Variants in F11 observed in about 807,000 individuals in gnomAD.
F11 encodes the protein coagulation factor XI, also known as coagualtion factor XI.
F11 carries 78 observed loss-of-function variants against 76.5 expected under a neutral mutation model. The ratio of observed to expected loss-of-function variants is 1.02; its 90% CI spans 0.85 to 1.23. F11 has a LOEUF of 1.23. F11 is among the 50% of genes most tolerant of loss of function. The probability of loss-of-function intolerance (pLI) is 0.00; values close to 1 mark genes in which losing one functional copy is unlikely to be tolerated. For synonymous variants in F11, 278 were observed against 276.3 expected (o/e 1.01, Z -0.06); for missense variants, 742 against 771.4 (o/e 0.96, Z 0.45).
At chr4:186,278,212 C>T (rs150447050) in intron 7 of F11, among the ~76,000 whole-genome samples, 72 of 152,320 alleles carry the variant, frequency 4.7e-4, no homozygotes, top group African/African-American at 1.7e-3. Context: ...TCAGAGCCCT[C>T]AGCACTTGCC....
intron 2 of F11, among the ~76,000 whole-genome samples, chr4:186,270,199 A>T (rs1739830311): frequency 6.6e-6 from 1 of 152,246 alleles, no homozygotes; most frequent in Non-Finnish European, 1.5e-5. Flanking sequence ...AGAAGTCTCG[A>T]TACAACGTCA....
chr4:186,269,106 A>G (rs951992526), intron 2 of F11, among the ~76,000 whole-genome samples: 14 of 152,192 alleles, frequency 9.2e-5, no homozygotes, highest in Admixed American at 7.9e-4. Context: ...CCTAAACAAA[A>G]TATTATCCAA....
intron 3 of F11, among the ~76,000 whole-genome samples, chr4:186,272,167 A>T (rs541435042): frequency 6.6e-6 from 1 of 152,180 alleles, no homozygotes; most frequent in Admixed American, 6.5e-5. Context: ...TTTGAAAAAA[A>T]GTACAGTACA....
chr4:186,289,045 G>A lies in F11; in HGVS notation c.*431G>A, dbSNP rs1741414049. The A allele has an allele frequency of 4.8e-5, 8 of 166,338 alleles. No homozygotes were observed. The highest frequency in any genetic ancestry group is 7.8e-5 in the Non-Finnish European group (6 of 77,292). 10.3% of individuals were successfully genotyped at this position (166,338 alleles called of 1,614,324 possible). ...AAAGACAGTCTTCACCATTTTGCAGGAATCTACACTCTGCCTATGTGAACA... is the reference window on the plus strand; with the variant it reads ...AAAGACAGTCTTCACCATTTTGCAGAAATCTACACTCTGCCTATGTGAACA... On this transcript the variant is annotated 3_prime_UTR_variant, in exon 15 of 15. Transcript: ENST00000403665.
intron 2 of F11, among the ~76,000 whole-genome samples, chr4:186,270,571 A>T (rs1739866871): frequency 6.6e-6 from 1 of 152,066 alleles, no homozygotes; most frequent in Non-Finnish European, 1.5e-5. Context: ...CTAGTGGCAT[A>T]TTGAAAATCA....
chr4:186,272,302 A>C (rs1016941912), intron 3 of F11, among the ~76,000 whole-genome samples: 1 of 152,142 alleles, frequency 6.6e-6, no homozygotes, highest in Non-Finnish European at 1.5e-5. Context: ...ATGACACTTT[A>C]CCCCTAAATA....
chr4:186,274,504 A>T, intron 5 of F11: 1 of 572,624 alleles, frequency 1.7e-6, no homozygotes, highest in South Asian at 2.0e-5. Flanking sequence ...AAAAATATAT[A>T]TACTTGGCTA....
Position 186,284,236 on chromosome 4 carries a change from TAAC to T in F11, c.1282_1284del (p.Thr428del). On this transcript the variant is annotated inframe_deletion, in exon 11 of 15. Transcript: ENST00000403665. ...TCCATCATTGGAAACCAGTGGATAT[TAAC>T]AGCCGCTCACTGTTTCTATGGGTCA... 1 of 1,614,238 alleles carries T rather than the reference TAAC, an allele frequency of 6.2e-7. No homozygotes were observed. Among genetic ancestry groups the T allele is most frequent in the Non-Finnish European group, 8.5e-7 (1 of 1,180,030 alleles).
In F11 at chr4:186,275,450, G is replaced by C. The variant is rs997751257; in HGVS notation, c.486-337G>C. ...GCGGAGGTTGCAGTGAGCCAAGATC[G>C]TGCCATTGCACTCCAACCTGGGCAA... On this transcript the variant is annotated intron_variant, in intron 5 of 14. Coordinates refer to ENST00000403665, the MANE Select transcript of F11 (RefSeq NM_000128.4). Among the ~76,000 whole-genome samples, 3 of 152,082 alleles carry C rather than the reference G, an allele frequency of 2.0e-5. No homozygotes were observed. The South Asian group carries it at 6.2e-4, about 32-fold the overall frequency.
At position 186,282,262 on chromosome 4, in the gene F11, T is replaced by C. The variant is rs530526714; in HGVS notation, c.1135+1682T>C. 5.2e-5 allele frequency: 51 copies of C among 985,332 alleles called. 1 individual carries two copies. In the East Asian group the frequency reaches 1.9e-3, roughly 37 times the overall value. The allele number at this position is 985,332 out of a possible 1,614,324, so 61.0% of individuals were successfully genotyped here. A position where few individuals can be genotyped will look rare whatever the true frequency, so the allele number is the denominator to read the frequency against. ...TTTATAGACTCTGGCCTGTAGAAGTTACAGAATATGCCAGGTATAGATTGA... is the reference window on the plus strand; with the variant it reads ...TTTATAGACTCTGGCCTGTAGAAGTCACAGAATATGCCAGGTATAGATTGA... On this transcript the variant is annotated intron_variant, in intron 10 of 14. Coordinates refer to ENST00000403665, the MANE Select transcript of F11 (RefSeq NM_000128.4).
Position 186,285,742 on chromosome 4 carries a change from A to T in F11, c.1409A>T (p.Asp470Val). ...FFGVQEIIIH[D>V]QYKMAESGYD... ...GGGGTTCAAGAAATAATAATCCATGATCAGTATAAAATGGCAGAAAGCGGG... is the reference window on the plus strand; with the variant it reads ...GGGGTTCAAGAAATAATAATCCATGTTCAGTATAAAATGGCAGAAAGCGGG... Residue 470 changes from aspartate (D) to valine (V), a missense_variant, in exon 12 of 15, where the codon GAT (aspartate) becomes GTT (valine). Asp to Val is a radical substitution (Grantham distance 152). Transcript: ENST00000403665. 6.2e-7 allele frequency: 1 copy of T among 1,614,194 alleles called. No homozygotes were observed. Among genetic ancestry groups the T allele is most frequent in the Non-Finnish European group, 8.5e-7 (1 of 1,180,006 alleles).
In F11 at chr4:186,271,720, G is replaced by A. The variant is rs1268515791; in HGVS notation, c.167G>A (p.Cys56Tyr). 4 of 1,614,184 alleles carry A rather than the reference G, an allele frequency of 2.5e-6. No homozygotes were observed. Among genetic ancestry groups the A allele is most frequent in the East Asian group, 2.2e-5 (1 of 44,892 alleles). ...GTAGTCTGCACTTACCACCCAAGAT[G>A]TTTACTCTTCACTTTCACGGCGGAA... ...CQVVCTYHPRCLLFTFTAESP... is the reference protein window; with the variant it reads ...CQVVCTYHPRYLLFTFTAESP... The change falls in exon 3 of 15, where the codon TGT becomes TAT. Residue 56 changes from cysteine (C) to tyrosine (Y), a missense_variant. Physicochemically the swap from Cys to Tyr is radical, Grantham distance 194. Transcript: ENST00000403665.
chr4:186,288,415 T>C, intron 14 of F11, 38 bp from the exon 15 acceptor site: 2 of 1,613,676 alleles, frequency 1.2e-6, no homozygotes, highest in East Asian at 2.2e-5. Flanking sequence ...AGCGTCTGAG[T>C]TGATCTGTGC....
chr4:186,271,606 C>T lies in F11; in HGVS notation c.56-3C>T, dbSNP rs1345466161. 1 of 1,614,118 alleles carries T rather than the reference C, an allele frequency of 6.2e-7. No homozygotes were observed. Among genetic ancestry groups the T allele is most frequent in the Admixed American group, 1.7e-5 (1 of 60,016 alleles). The stretch of plus-strand genomic sequence containing the variant: ...ATAACGCATGCCATGTACTACATCA[C>T]AGAATGTGTGACTCAGTTGTTGAAG... On this transcript the variant is annotated splice_polypyrimidine_tract_variant and splice_region_variant and intron_variant, in intron 2 of 14. Coordinates refer to ENST00000403665, the MANE Select transcript of F11 (RefSeq NM_000128.4).
intron 10 of F11, chr4:186,281,809 T>C (rs1397745515): frequency 2.9e-6 from 3 of 1,043,998 alleles, no homozygotes; most frequent in Middle Eastern, 2.6e-4. Context: ...ACATTCTGTG[T>C]CAGATTATCT....
At chr4:186,276,101 T>G in intron 6 of F11, 130 bp from the exon 7 acceptor site, 1 of 1,156,452 alleles carries the variant, frequency 8.6e-7, no homozygotes, top group Non-Finnish European at 1.2e-6. Flanking sequence ...CATTTTCTTC[T>G]AAATAAAAAA....
chr4:186,287,660 A>G (rs757600740), intron 13 of F11, 24 bp from the exon 14 acceptor site: 2 of 1,590,080 alleles, frequency 1.3e-6, no homozygotes, highest in East Asian at 2.3e-5. Context: ...TATTCTACAA[A>G]CGAACCAAAA....
intron 7 of F11, among the ~76,000 whole-genome samples, chr4:186,279,374 C>T (rs1018203373): frequency 6.7e-6 from 1 of 150,352 alleles, no homozygotes; most frequent in African/African-American, 2.5e-5. Context: ...AAGAGAAAGA[C>T]TATGTCTCAA....
chr4:186,274,068 T>C (rs1191978262), intron 4 of F11, 48 bp from the exon 5 acceptor site: 4 of 1,611,462 alleles, frequency 2.5e-6, no homozygotes, highest in Non-Finnish European at 3.4e-6. Flanking sequence ...CTTAGGTCAT[T>C]GCCCCTAGAA....
Sources: allele counts gnomAD v4.1 joint callset (sites outside exome capture counted in the v4.1 genomes callset), GRCh38; gene constraint gnomAD v4.1.1; transcripts MANE v1.5; gene names NCBI Gene and HGNC (gene_info 2026-07-23, HGNC 2026-07-21).